The following CNST variants were observed in gnomAD, a reference collection of about 807,000 sequenced individuals.
CNST encodes consortin.
A neutral mutation model predicts 72.4 loss-of-function variants in CNST; 39 were observed. The observed-to-expected ratio is 0.54, with a 90% CI of 0.42 to 0.70. The LOEUF (loss-of-function observed/expected upper bound fraction) is 0.70. Among genes scored for constraint, CNST ranks in the 30% least tolerant of loss-of-function variants. CNST has a pLI of 0.00. For synonymous variants in CNST, 332 were observed against 320.1 expected (o/e 1.04, Z -0.40); for missense variants, 871 against 868.5 (o/e 1.00, Z -0.04).
At chr1:246,581,500 T>C (rs1285656793) in intron 1 of CNST, among the ~76,000 whole-genome samples, 1 of 152,202 alleles carries the variant, frequency 6.6e-6, no homozygotes, top group Non-Finnish European at 1.5e-5. Context: ...TGAGCTCGGG[T>C]GATCCGCCCA....
intron 1 of CNST, among the ~76,000 whole-genome samples, chr1:246,578,426 A>C (rs948162791): frequency 2.0e-5 from 3 of 152,024 alleles, no homozygotes; most frequent in Admixed American, 1.3e-4. Context: ...TAATCCCAGC[A>C]CTTTGGGAGG....
intron 1 of CNST, among the ~76,000 whole-genome samples, chr1:246,580,972 C>T (rs1660745130): frequency 6.6e-6 from 1 of 152,146 alleles, no homozygotes; most frequent in Non-Finnish European, 1.5e-5. Context: ...CTCCTGACCT[C>T]AAGTGATCCC....
chr1:246,568,130 C>A (rs1659840451), intron 1 of CNST, among the ~76,000 whole-genome samples: 1 of 151,244 alleles, frequency 6.6e-6, no homozygotes, highest in South Asian at 2.1e-4. Context: ...GACTCTGTCT[C>A]CTTAAAAAAA....
At chr1:246,606,545 G>C (rs1435833549) in intron 2 of CNST, 1 of 152,194 alleles carries the variant, frequency 6.6e-6, no homozygotes, top group Non-Finnish European at 1.5e-5. Context: ...TGTCACACGA[G>C]CATTTCCAGG....
intron 1 of CNST, among the ~76,000 whole-genome samples, chr1:246,586,413 T>C (rs375422380): frequency 6.8e-6 from 1 of 148,078 alleles, no homozygotes; most frequent in African/African-American, 2.5e-5. Flanking sequence ...AACATATCTT[T>C]TATATATATC....
chr1:246,644,388 CAAAAAAA>C (rs58278885), intron 8 of CNST, among the ~76,000 whole-genome samples: 9,727 of 102,366 alleles, frequency 0.095, 395 homozygotes, highest in Middle Eastern at 0.14. Context: ...ACTCTGTCTC[CAAAAAAA>C]AAAAAAAAAA....
At position 246,634,476 on chromosome 1, in the gene CNST, CAA is replaced by C. The variant is rs1309009166; in HGVS notation, c.710_711del (p.Lys237MetfsTer20). ...CTAACAAATACTTTAAATTTAGAAA[CAA>C]AATGGAAAACTGTGCAACCACATAC... On this transcript the variant is annotated frameshift_variant, in exon 6 of 11. Transcript: ENST00000366513. LOFTEE classifies it high-confidence loss of function. 3 of 1,559,640 alleles carry C rather than the reference CAA, an allele frequency of 1.9e-6. No individual in the cohort carries two copies. Among genetic ancestry groups the C allele is most frequent in the Non-Finnish European group, 2.6e-6 (3 of 1,158,318 alleles).
intron 2 of CNST, among the ~76,000 whole-genome samples, chr1:246,618,039 C>A (rs1034791163): frequency 6.6e-6 from 1 of 152,164 alleles, no homozygotes; most frequent in Non-Finnish European, 1.5e-5. Context: ...AGTCACCAGT[C>A]TAGGCAAGGG....
At chr1:246,629,289 T>A (rs376069299) in intron 3 of CNST, among the ~76,000 whole-genome samples, 3 of 152,190 alleles carry the variant, frequency 2.0e-5, no homozygotes, top group African/African-American at 7.2e-5. Context: ...TTTAGAAATA[T>A]GCTTTAAAAA....
intron 2 of CNST, 147 bp from the exon 3 acceptor site, chr1:246,621,282 G>C (rs765735549): frequency 6.9e-5 from 47 of 678,244 alleles, no homozygotes; most frequent in Non-Finnish European, 1.1e-4. Flanking sequence ...TTCTTTAGTG[G>C]TTTCATATGA....
chr1:246,641,619 A>C (rs1312761068), intron 6 of CNST, 130 bp from the exon 7 acceptor site: 1 of 626,556 alleles, frequency 1.6e-6, no homozygotes, highest in African/African-American at 1.9e-5. Flanking sequence ...TCAGCCGTGG[A>C]AATGTTCTGT....
rs1220919610 is a variant in CNST at position 246,668,220 on chromosome 1, T to A, written c.*2315T>A. The A allele has an allele frequency of 6.6e-6, 1 of 152,224 alleles. No homozygotes were observed. The highest frequency in any genetic ancestry group is 2.4e-5 in the African/African-American group (1 of 41,460). 9.4% of individuals were successfully genotyped at this position (152,224 alleles called of 1,614,324 possible). A position where few individuals can be genotyped will look rare whatever the true frequency, so the allele number is the denominator to read the frequency against. ...TCACACATGAAAAATTCATCCAGTT[T>A]TACTAAAATGTAATTTTTTCTGTCA... On this transcript the variant is annotated 3_prime_UTR_variant, in exon 11 of 11. Transcript: ENST00000366513.
At chr1:246,595,054 T>C (rs1200637564) in intron 2 of CNST, among the ~76,000 whole-genome samples, 7 of 152,176 alleles carry the variant, frequency 4.6e-5, no homozygotes, top group Non-Finnish European at 7.4e-5. Context: ...CTTTTAAGTT[T>C]TGTTGATAAA....
chr1:246,621,905 C>T (rs941210511), intron 3 of CNST, among the ~76,000 whole-genome samples: 5 of 152,060 alleles, frequency 3.3e-5, no homozygotes, highest in African/African-American at 7.2e-5. Context: ...CAAGGTGGGA[C>T]GATCACTCAA....
chr1:246,629,450 A>G (rs1664640620), intron 3 of CNST, among the ~76,000 whole-genome samples: 1 of 152,162 alleles, frequency 6.6e-6, no homozygotes, highest in East Asian at 1.9e-4. Context: ...TAGTTACTTT[A>G]TGGTATTAGA....
At chr1:246,618,544 T>C (rs137947525) in intron 2 of CNST, among the ~76,000 whole-genome samples, 298 of 151,888 alleles carry the variant, frequency 2.0e-3, no homozygotes, top group Middle Eastern at 3.4e-3. Context: ...CTAGATCATA[T>C]TTTCCTTCCC....
At chr1:246,660,786 G>T (rs898961959) in intron 10 of CNST, among the ~76,000 whole-genome samples, 1 of 152,086 alleles carries the variant, frequency 6.6e-6, no homozygotes, top group African/African-American at 2.4e-5. Context: ...TCTTCTAAGG[G>T]AGAAACATAT....
At position 246,616,957 on chromosome 1, in the gene CNST, T is replaced by C. The variant is rs75058366; in HGVS notation, c.380-4472T>C. Among the ~76,000 whole-genome samples the C allele has an allele frequency of 5.3e-5, 8 of 152,286 alleles. No homozygotes were observed. The East Asian group carries it at 1.5e-3, about 29-fold the overall frequency. ...ACGGAAAAATACTAAAATTTCCGTG[T>C]TACATCATGAATGCTTTAATATTAC... On this transcript the variant is annotated intron_variant, in intron 2 of 10. Transcript: ENST00000366513.
intron 1 of CNST, among the ~76,000 whole-genome samples, chr1:246,572,775 G>A (rs906786993): frequency 5.3e-5 from 8 of 152,084 alleles, no homozygotes; most frequent in African/African-American, 1.9e-4. Context: ...GTTGCCTAGG[G>A]TGGTCTTGAA....
Sources: gnomAD v4.1 joint callset for allele counts (sites outside exome capture counted in the v4.1 genomes callset) on GRCh38, gnomAD v4.1.1 for gene constraint, MANE v1.5 for transcripts, NCBI Gene and HGNC (gene_info 2026-07-23, HGNC 2026-07-21) for gene names.